ATCAY: variants seen among roughly 807,000 people sequenced by gnomAD.
ATCAY encodes the protein caytaxin.
A neutral mutation model predicts 47.7 loss-of-function variants in ATCAY; 22 were observed. That is an observed-to-expected ratio of 0.46 (90% CI 0.33 to 0.66). The LOEUF (loss-of-function observed/expected upper bound fraction) is 0.66, where lower values mean the gene tolerates loss of function less well. Ranked by LOEUF, ATCAY falls within the 30% of genes least tolerant of loss-of-function variation. ATCAY has a pLI of 0.02. For missense variants in ATCAY, 452 were observed against 515.0 expected (o/e 0.88, Z 1.18); for synonymous variants, 216 against 207.6 (o/e 1.04, Z -0.35).
In ATCAY at chr19:3,907,753, C is replaced by T. The variant is rs753095970; in HGVS notation, c.378C>T (p.Thr126=). The T allele has an allele frequency of 6.8e-6, 11 of 1,613,906 alleles. No homozygotes were observed. The highest frequency in any genetic ancestry group is 5.3e-5 in the African/African-American group (4 of 74,950). Residue 126 remains threonine (T), a synonymous_variant, in exon 5 of 13, where the codon ACC becomes ACT. Coordinates refer to ENST00000450849, the MANE Select transcript of ATCAY (RefSeq NM_033064.5). The surrounding 1 kb of genome is among the most constrained non-coding windows in gnomAD (Gnocchi z 5.1). ...LEWEDDTPVA[T]AKNMPGDSAD... is the part of the protein sequence containing the mutation. ...TTCTAGACGACACCCCCGTGGCCAC[C>T]GCCAAGAACATGCCCGGGGACAGCG...
rs73919389 is a variant in ATCAY at position 3,922,192 on chromosome 19, C to T, written c.1106+1394C>T. ...CCCTGCACAGATCAAGCTGATGCCA[C>T]GTGGCCCAAGTTCCAACCCTAAGTC... On this transcript the variant is annotated intron_variant, in intron 12 of 12. Coordinates refer to ENST00000450849, the MANE Select transcript of ATCAY (RefSeq NM_033064.5). 1.7e-3 allele frequency: 1,223 copies of T among 701,916 alleles called. 10 individuals are homozygous for T. In the African/African-American group the frequency reaches 0.019, roughly 11 times the overall value. The allele number at this position is 701,916 out of a possible 1,614,324, so 43.5% of individuals were successfully genotyped here. A position where few individuals can be genotyped will look rare whatever the true frequency, so the allele number is the denominator to read the frequency against.
At chr19:3,900,895 C>CTTTTTTTTTT (rs59395284) in intron 2 of ATCAY, among the ~76,000 whole-genome samples, 1 of 92,252 alleles carries the variant, frequency 1.1e-5, no homozygotes, top group Non-Finnish European at 2.0e-5. Context: ...TATCCTTCAT[C>CTTTTTTTTTT]TTTTTTTTTT....
At chr19:3,892,747 A>G (rs1236866113) in intron 2 of ATCAY, among the ~76,000 whole-genome samples, 1 of 152,030 alleles carries the variant, frequency 6.6e-6, no homozygotes, top group East Asian at 1.9e-4. Flanking sequence ...GTCTCTACTA[A>G]AAATACAAAA....
At chr19:3,881,863 A>T in intron 1 of ATCAY, among the ~76,000 whole-genome samples, 2 of 100,484 alleles carry the variant, frequency 2.0e-5, no homozygotes, top group African/African-American at 1.0e-4. Flanking sequence ...GGCTGCTGCC[A>T]CCGCCCCCCC....
At chr19:3,924,442 T>G in intron 12 of ATCAY, 141 bp from the exon 13 acceptor site, 1 of 1,005,784 alleles carries the variant, frequency 9.9e-7, no homozygotes, top group East Asian at 2.6e-5. Flanking sequence ...AGCCGGGCCC[T>G]GAAGGGCATG....
rs1325233751 is a variant in ATCAY, at chr19:3,924,725, G to A, written c.*133G>A. The A allele has an allele frequency of 1.7e-5, 15 of 877,686 alleles. No homozygotes were observed. Among genetic ancestry groups the A allele is most frequent in the Admixed American group, 1.1e-4 (4 of 37,426 alleles). The allele number at this position is 877,686 out of a possible 1,614,324, so 54.4% of individuals were successfully genotyped here. ...ATCTTCCAAGGGTGCCAGCCCCTCC[G>A]TTCATCTCTGAAACCCAGCATCCTT... On this transcript the variant is annotated 3_prime_UTR_variant, in exon 13 of 13. Coordinates refer to ENST00000450849, the MANE Select transcript of ATCAY (RefSeq NM_033064.5).
chr19:3,908,077 C>T (rs1311750481), intron 5 of ATCAY, among the ~76,000 whole-genome samples, 158 bp downstream of exon 5: 2 of 152,200 alleles, frequency 1.3e-5, no homozygotes, highest in African/African-American at 4.8e-5. Context: ...CAGGGAGGCG[C>T]ACTGGGGGCC....
chr19:3,922,009 T>A (rs1411415240), intron 12 of ATCAY: 1 of 621,424 alleles, frequency 1.6e-6, no homozygotes, highest in Non-Finnish European at 2.9e-6. Flanking sequence ...TGGGGTTGTG[T>A]GGACAGCCTT....
chr19:3,888,986 AC>A (rs2038689748), intron 2 of ATCAY, among the ~76,000 whole-genome samples: 1 of 152,072 alleles, frequency 6.6e-6, no homozygotes, highest in Non-Finnish European at 1.5e-5. Context: ...TCAGAGAATC[AC>A]GGCTGGGAGC....
In ATCAY at chr19:3,903,982, C is replaced by CAAAA. The variant is rs59631453; in HGVS notation, c.137-1434_137-1431dup. ...TGAAGCCCCGTCTCTACTAAAGATA[C>CAAAA]AAAAAAAAAAAAAAAAAAAAATTAG... On this transcript the variant is annotated intron_variant, in intron 3 of 12. Transcript: ENST00000450849. 6.5e-4 allele frequency among the ~76,000 whole-genome samples: 51 copies of CAAAA among 79,022 alleles called. 1 individual carries two copies. The highest frequency in any genetic ancestry group is 1.4e-3 in the East Asian group (4 of 2,936). 51.8% of individuals were successfully genotyped at this position (79,022 alleles called of 152,430 possible). A position where few individuals can be genotyped will look rare whatever the true frequency, so the allele number is the denominator to read the frequency against.
chr19:3,924,631 C>T lies in ATCAY; in HGVS notation c.*39C>T, dbSNP rs1206684988. ...TAACAAAGGACATGGAAGAAGATTC[C>T]AGATGCCAGAAAACCTCTGTCAGAC... On this transcript the variant is annotated 3_prime_UTR_variant, in exon 13 of 13. Coordinates refer to ENST00000450849, the MANE Select transcript of ATCAY (RefSeq NM_033064.5). The T allele has an allele frequency of 1.2e-6, 2 of 1,612,452 alleles. No homozygotes were observed.
intron 8 of ATCAY, among the ~76,000 whole-genome samples, chr19:3,912,600 C>A (rs922460123): frequency 5.9e-5 from 9 of 151,986 alleles, no homozygotes; most frequent in African/African-American, 1.9e-4. Context: ...TTAAATACGG[C>A]CAGGTGTGGT....
rs916287973 is a variant in ATCAY at position 3,912,407 on chromosome 19, G to A, written c.867-1351G>A. 2.6e-5 allele frequency among the ~76,000 whole-genome samples: 4 copies of A among 151,788 alleles called. No homozygotes were observed. In the East Asian group the frequency reaches 7.8e-4, roughly 30 times the overall value. Reference sequence around the variant, plus strand: ...CAGCTCACTGCAAGCTCCGCCTCCCGGGTTCACGCTATTCTGCCTCAGCCT... The same window carrying A: ...CAGCTCACTGCAAGCTCCGCCTCCCAGGTTCACGCTATTCTGCCTCAGCCT... On this transcript the variant is annotated intron_variant, in intron 8 of 12. Transcript: ENST00000450849.
In ATCAY at chr19:3,909,344, C is replaced by T. The variant is rs567800867; in HGVS notation, c.648-142C>T. 86 of 930,306 alleles carry T rather than the reference C, an allele frequency of 9.2e-5. No homozygotes were observed. In the African/African-American group the frequency reaches 1.3e-3, roughly 14 times the overall value. The allele number at this position is 930,306 out of a possible 1,614,324, so 57.6% of individuals were successfully genotyped here. A position where few individuals can be genotyped will look rare whatever the true frequency, so the allele number is the denominator to read the frequency against. ...CCACGTCCTCTCCCACCCTGCAGTC[C>T]GCCAGGACAGCAGACAACACCTGGA... On this transcript the variant is annotated intron_variant, in intron 6 of 12. Coordinates refer to ENST00000450849, the MANE Select transcript of ATCAY (RefSeq NM_033064.5).
Position 3,928,042 on chromosome 19 carries a change from G to A in ATCAY, c.*3450G>A, listed in dbSNP as rs1206680175. On this transcript the variant is annotated 3_prime_UTR_variant, in exon 13 of 13. Transcript: ENST00000450849. ...TTAAGACGTCGTCTCCATGAGCTTT[G>A]GGGGGACTTTTATGTGGAATAAAGA... is the stretch of plus-strand genomic sequence containing the variant. 2 of 152,146 alleles carry A rather than the reference G, an allele frequency of 1.3e-5. No individual in the cohort carries two copies. Among genetic ancestry groups the A allele is most frequent in the Non-Finnish European group, 2.9e-5 (2 of 68,038 alleles). The allele number at this position is 152,146 out of a possible 1,614,324, so 9.4% of individuals were successfully genotyped here. A position where few individuals can be genotyped will look rare whatever the true frequency, so the allele number is the denominator to read the frequency against.
At chr19:3,901,861 A>T (rs2038818658) in intron 2 of ATCAY, among the ~76,000 whole-genome samples, 1 of 152,054 alleles carries the variant, frequency 6.6e-6, no homozygotes, top group Non-Finnish European at 1.5e-5. Context: ...CGGGCATGGT[A>T]GCGGGCACCT....
chr19:3,885,515 T>C (rs1384677298), intron 1 of ATCAY, among the ~76,000 whole-genome samples: 1 of 150,684 alleles, frequency 6.6e-6, no homozygotes, highest in South Asian at 2.1e-4. Flanking sequence ...GATGGCACCA[T>C]TGCACTACAG....
Position 3,885,788 on chromosome 19 carries a change from G to A in ATCAY, c.21G>A (p.Thr7=), listed in dbSNP as rs748431773. The A allele has an allele frequency of 4.4e-4, 685 of 1,551,682 alleles. 3 individuals are homozygous for A. Among genetic ancestry groups the A allele is most frequent in the East Asian group, 7.3e-5 (3 of 40,914 alleles). Residue 7 remains threonine (T), a synonymous_variant, in exon 2 of 13, where the codon ACG becomes ACA. Coordinates refer to ENST00000450849, the MANE Select transcript of ATCAY (RefSeq NM_033064.5). MGTTEA[T]LRMENVDVKE... ...CTCCCATGGGGACCACCGAAGCCAC[G>A]CTCCGGATGGAAAACGTGGACGTGA...
At chr19:3,897,354 C>G (rs1184334723) in intron 2 of ATCAY, among the ~76,000 whole-genome samples, 1 of 151,440 alleles carries the variant, frequency 6.6e-6, no homozygotes, top group Admixed American at 6.6e-5. Context: ...GGCTGGAGTG[C>G]AGTGGCTCGA....
Sources: gnomAD v4.1 joint callset for allele counts (sites outside exome capture counted in the v4.1 genomes callset) on GRCh38, gnomAD v4.1.1 for gene constraint, Gnocchi (gnomAD v3.1) non-coding constraint, MANE v1.5 for transcripts, NCBI Gene and HGNC (gene_info 2026-07-23, HGNC 2026-07-21) for gene names.